DNAH6: variants seen among roughly 807,000 people sequenced by gnomAD.
The protein encoded by DNAH6 is axonemal beta dynein heavy chain 6.
Under a neutral mutation model 491.4 loss-of-function variants are expected in DNAH6, and 340 were observed. That is an observed-to-expected ratio of 0.69 (90% CI 0.63 to 0.76). DNAH6 has a LOEUF of 0.76. DNAH6 is among the 30% of genes least tolerant of loss of function. The pLI is 0.00. For synonymous variants in DNAH6, 1,603 were observed against 1,686.1 expected, an observed-to-expected ratio of 0.95 and a Z score of 1.21; for missense variants, 4,443 against 4,972.2, an observed-to-expected ratio of 0.89 and a Z score of 3.20.
chr2:84,517,400 A>G (rs559120481), intron 1 of DNAH6, among the ~76,000 whole-genome samples: 131 of 152,192 alleles, frequency 8.6e-4, no homozygotes, highest in Non-Finnish European at 1.7e-3. Context: ...TTGAGTACCT[A>G]TACTGTATTT....
chr2:84,518,423 G>A (rs1437207454), intron 2 of DNAH6, among the ~76,000 whole-genome samples: 4 of 152,262 alleles, frequency 2.6e-5, no homozygotes, highest in African/African-American at 7.2e-5. Context: ...TATTTTCAAA[G>A]TACATGCCTT....
chr2:84,650,181 T>C (rs185648919), intron 33 of DNAH6, among the ~76,000 whole-genome samples: 2 of 152,314 alleles, frequency 1.3e-5, no homozygotes, highest in African/African-American at 4.8e-5. Context: ...TGTAGGTTCA[T>C]GCTTTTTGGC....
chr2:84,669,363 C>T lies in DNAH6; in HGVS notation c.6159C>T (p.Ile2053=), dbSNP rs1444790867. 1 of 1,547,196 alleles carries T rather than the reference C, an allele frequency of 6.5e-7. No homozygotes were observed. The part of the protein sequence containing the change: ...DTKRLDPWER[I]IPTFKYNRDV... The stretch of plus-strand genomic sequence containing the variant: ...AACGGCTGGATCCCTGGGAACGAAT[C>T]ATACCTACTTTCAAATACAACCGAG... The change falls in exon 38 of 77, where the codon ATC becomes ATT. Residue 2053 remains isoleucine (I), a synonymous_variant. Transcript: ENST00000389394.
Position 84,548,354 on chromosome 2 carries a change from ACT to A in DNAH6, c.1256_1257del (p.Ser419Ter). The A allele has an allele frequency of 1.2e-6, 2 of 1,613,954 alleles. No individual in the cohort carries two copies. The highest frequency in any genetic ancestry group is 1.7e-6 in the Non-Finnish European group (2 of 1,179,916). On this transcript the variant is annotated frameshift_variant, in exon 8 of 77. Coordinates refer to ENST00000389394, the MANE Select transcript of DNAH6 (RefSeq NM_001370.2). LOFTEE classifies it high-confidence loss of function. ...CCACATGAGTTGCCCACTTATGGAG[ACT>A]CTGAGAAAATGACATATACAGAACA...
chr2:84,807,200 T>A (rs1679502148), intron 71 of DNAH6, among the ~76,000 whole-genome samples: 1 of 152,168 alleles, frequency 6.6e-6, no homozygotes, highest in African/African-American at 2.4e-5. Flanking sequence ...ACCAGGGACA[T>A]GTAACCACAG....
chr2:84,533,237 C>A (rs757940054), intron 4 of DNAH6, among the ~76,000 whole-genome samples: 2 of 152,082 alleles, frequency 1.3e-5, no homozygotes, highest in Admixed American at 6.6e-5. Flanking sequence ...AATTGTGGAT[C>A]TCCTCAAATC....
chr2:84,794,653 G>A (rs1412853829), intron 68 of DNAH6, among the ~76,000 whole-genome samples: 4 of 148,084 alleles, frequency 2.7e-5, no homozygotes, highest in South Asian at 4.5e-4. Flanking sequence ...AGTTAGAATG[G>A]CAATCATTAA....
chr2:84,816,130 TTCAA>T (rs1481616291), intron 76 of DNAH6, 47 bp downstream of exon 76: 2 of 1,440,398 alleles, frequency 1.4e-6, no homozygotes, highest in African/African-American at 1.4e-5. Context: ...AAATGCAATC[TTCAA>T]TCAAAGTCCA....
At chr2:84,580,649 C>T (rs1221828834) in intron 14 of DNAH6, among the ~76,000 whole-genome samples, 3 of 152,126 alleles carry the variant, frequency 2.0e-5, no homozygotes, top group Non-Finnish European at 4.4e-5. Context: ...CGTGCCTTCT[C>T]AAAAAGGCAG....
At chr2:84,604,689 CT>C in intron 19 of DNAH6, 138 bp downstream of exon 19, 1 of 667,610 alleles carries the variant, frequency 1.5e-6, no homozygotes, top group Admixed American at 2.8e-5. Context: ...CTGTTGTTTC[CT>C]TACAACAGAT....
intron 31 of DNAH6, among the ~76,000 whole-genome samples, chr2:84,639,591 TG>T (rs1368331712): frequency 6.6e-6 from 1 of 152,026 alleles, no homozygotes; most frequent in East Asian, 1.9e-4. Flanking sequence ...ACTAATTTTT[TG>T]TATTTTTAGT....
intron 47 of DNAH6, among the ~76,000 whole-genome samples, chr2:84,698,070 T>C (rs1436176845): frequency 6.6e-6 from 1 of 152,158 alleles, no homozygotes. Flanking sequence ...TCCAGCATTG[T>C]TGATGCCCTT....
At chr2:84,498,345 C>T in the DNAH6 span, among the ~76,000 whole-genome samples, 3 of 152,198 alleles carry the variant, frequency 2.0e-5, no homozygotes, top group African/African-American at 4.8e-5. Context: ...CTCTTCAGAG[C>T]ACCTGGCCCT....
chr2:84,611,996 AG>A, intron 22 of DNAH6, 142 bp downstream of exon 22: 4 of 645,034 alleles, frequency 6.2e-6, no homozygotes, highest in Non-Finnish European at 9.8e-6. Flanking sequence ...ATGGATGACT[AG>A]GAATCCTTGC....
the DNAH6 span, among the ~76,000 whole-genome samples, chr2:84,484,480 T>C: frequency 6.6e-6 from 1 of 152,210 alleles, no homozygotes; most frequent in African/African-American, 2.4e-5. Context: ...AGTCAAGATG[T>C]TAGCAAGGCC....
At chr2:84,757,640 A>T (rs1005549339) in intron 63 of DNAH6, among the ~76,000 whole-genome samples, 1 of 152,256 alleles carries the variant, frequency 6.6e-6, no homozygotes, top group Non-Finnish European at 1.5e-5. Flanking sequence ...TTACTATGTT[A>T]TCTTTTGTAT....
chr2:84,728,033 G>A (rs368310281), intron 61 of DNAH6, 131 bp downstream of exon 61: 5 of 641,754 alleles, frequency 7.8e-6, no homozygotes, highest in Admixed American at 2.7e-5. Context: ...ACTGAATCAC[G>A]GGGGCAGTTT....
At chr2:84,743,968 A>T (rs1309509360) in intron 62 of DNAH6, among the ~76,000 whole-genome samples, 1 of 152,322 alleles carries the variant, frequency 6.6e-6, no homozygotes, top group Admixed American at 6.5e-5. Context: ...TTTGCAATAC[A>T]TGGTTCTGCT....
At chr2:84,791,570 G>T (rs1240647900) in intron 68 of DNAH6, among the ~76,000 whole-genome samples, 1 of 151,612 alleles carries the variant, frequency 6.6e-6, no homozygotes, top group Non-Finnish European at 1.5e-5. Context: ...TTCTTTTGGG[G>T]GGAAATGGAA....
Sources: gnomAD v4.1 joint callset for allele counts (sites outside exome capture counted in the v4.1 genomes callset) on GRCh38, gnomAD v4.1.1 for gene constraint, MANE v1.5 for transcripts, NCBI Gene and HGNC (gene_info 2026-07-23, HGNC 2026-07-21) for gene names.